The following PCNT variants were observed in gnomAD, a reference collection of about 807,000 sequenced individuals.
PCNT encodes the protein pericentrin.
Under a neutral mutation model 380.4 loss-of-function variants are expected in PCNT, and 319 were observed. The observed-to-expected ratio is 0.84, with a 90% CI of 0.77 to 0.92. The LOEUF (loss-of-function observed/expected upper bound fraction) is 0.92, where lower values mean the gene tolerates loss of function less well. Among genes scored for constraint, PCNT ranks in the 40% least tolerant of loss-of-function variants. The probability of loss-of-function intolerance (pLI) is 0.00; values close to 1 mark genes in which losing one functional copy is unlikely to be tolerated. For missense variants in PCNT, 4,400 were observed against 4,255.3 expected (o/e 1.03, Z -0.95); for synonymous variants, 1,845 against 1,735.2 (o/e 1.06, Z -1.57).
At chr21:46,409,299 C>G (rs1160280831) in intron 27 of PCNT, among the ~76,000 whole-genome samples, 1 of 151,360 alleles carries the variant, frequency 6.6e-6, no homozygotes, top group South Asian at 2.1e-4. Flanking sequence ...AGCAGTCCTC[C>G]TGTCTCAGCC....
In PCNT at chr21:46,443,803, G is replaced by A. The variant is rs1468007286; in HGVS notation, c.9701-7G>A. 1.2e-6 allele frequency: 2 copies of A among 1,613,536 alleles called. No individual in the cohort carries two copies. Among genetic ancestry groups the A allele is most frequent in the African/African-American group, 1.3e-5 (1 of 74,902 alleles). On this transcript the variant is annotated splice_polypyrimidine_tract_variant and splice_region_variant and intron_variant, in intron 44 of 46. Transcript: ENST00000359568. ...AATCCCTTGGTTGTTAAATAATTCT[G>A]GGGAAGGGCCCCGAGCACGACAGCC...
chr21:46,398,372 T>A, intron 24 of PCNT, 117 bp downstream of exon 24: 1 of 1,065,228 alleles, frequency 9.4e-7, no homozygotes, highest in African/African-American at 1.6e-5. Context: ...GCTGCAGCCA[T>A]CTGCTTTCTC....
intron 30 of PCNT, 135 bp downstream of exon 30, chr21:46,416,974 G>A: frequency 1.3e-6 from 1 of 792,796 alleles, no homozygotes; most frequent in Non-Finnish European, 2.0e-6. Flanking sequence ...AGCTCTGCAG[G>A]ACTGGCATCA....
chr21:46,356,142 C>T (rs1390257023), intron 12 of PCNT, among the ~76,000 whole-genome samples: 1 of 152,216 alleles, frequency 6.6e-6, no homozygotes, highest in African/African-American at 2.4e-5. Flanking sequence ...GGACAGTGGC[C>T]ACTGACGGGT....
In PCNT at chr21:46,346,868, G is replaced by T. The variant is rs1309459706; in HGVS notation, c.846G>T (p.Glu282Asp). The change falls in exon 5 of 47, where the codon GAG becomes GAT. Residue 282 changes from glutamate (E) to aspartate (D), a missense_variant. Transcript: ENST00000359568. The stretch of plus-strand genomic sequence containing the variant: ...AGACGGCATTGACGGAGCTGCGGGA[G>T]ATGCTCAACAGCCGGCGTGCCCAGG... Reference protein sequence around the residue: ...EKETALTELREMLNSRRAQEL... With the variant: ...EKETALTELRDMLNSRRAQEL... 4 of 1,608,570 alleles carry T rather than the reference G, an allele frequency of 2.5e-6. No individual in the cohort carries two copies. Among genetic ancestry groups the T allele is most frequent in the Non-Finnish European group, 3.4e-6 (4 of 1,178,198 alleles).
Position 46,389,293 on chromosome 21 carries a change from T to C in PCNT, c.3702T>C (p.Ile1234=), listed in dbSNP as rs772294711. The change falls in exon 19 of 47, where the codon ATT becomes ATC. Residue 1234 remains isoleucine (I), a synonymous_variant. Transcript: ENST00000359568. The stretch of plus-strand genomic sequence containing the variant: ...CAGAGATGTCTTCCGTGGCTGAAAT[T>C]AGCAGCCACATGCGTGAAAGCTTTC... ...ECAEMSSVAE[I]SSHMRESFLM... is the part of the protein sequence containing the mutation. The C allele has an allele frequency of 2.5e-6, 4 of 1,614,240 alleles. No individual in the cohort carries two copies. The highest frequency in any genetic ancestry group is 3.4e-6 in the Non-Finnish European group (4 of 1,180,044).
intron 13 of PCNT, among the ~76,000 whole-genome samples, chr21:46,362,383 T>C (rs2084751825): frequency 6.6e-6 from 1 of 152,330 alleles, no homozygotes; most frequent in East Asian, 1.9e-4. Context: ...TCCTTCTGAA[T>C]GTCCAGCCCT....
rs201946771 is a variant in PCNT at position 46,414,528 on chromosome 21, G to GCTC, written c.6151-1523_6151-1521dup. ...TTCTCGACACACAACCACCCACCCT[G>GCTC]CTCCTCCTCCTCCTCCTCCTGGACA... is the stretch of plus-strand genomic sequence containing the variant. On this transcript the variant is annotated intron_variant, in intron 29 of 46. Coordinates refer to ENST00000359568, the MANE Select transcript of PCNT (RefSeq NM_006031.6). 5.9e-3 allele frequency among the ~76,000 whole-genome samples: 490 copies of GCTC among 83,192 alleles called. 4 individuals carry two copies. The highest frequency in any genetic ancestry group is 0.022 in the African/African-American group (438 of 20,042). 54.6% of individuals were successfully genotyped at this position (83,192 alleles called of 152,430 possible).
chr21:46,401,692 CAG>C lies in PCNT; in HGVS notation c.4938_4939del (p.Arg1646SerfsTer22), dbSNP rs797045879. The C allele has an allele frequency of 3.1e-6, 5 of 1,613,928 alleles. No individual in the cohort carries two copies. Among genetic ancestry groups the C allele is most frequent in the Non-Finnish European group, 4.2e-6 (5 of 1,180,012 alleles). ...EGPEIQLEVT[Q>X]RALLRRESEV... is the part of the protein sequence containing the mutation. ...TCCAGAAATACAGTTAGAGGTGACA[CAG>C]AGAGCACTCCTGCGGCGCGAGAGCG... On this transcript the variant is annotated frameshift_variant, in exon 26 of 47. Transcript: ENST00000359568. LOFTEE classifies it high-confidence loss of function.
chr21:46,409,393 T>G (rs1268449108), intron 27 of PCNT, among the ~76,000 whole-genome samples: 1 of 152,020 alleles, frequency 6.6e-6, no homozygotes, highest in East Asian at 1.9e-4. Flanking sequence ...TTCTCCATGT[T>G]GGTCAGGCTG....
chr21:46,431,173 C>T (rs969543939), intron 37 of PCNT: 16 of 1,207,708 alleles, frequency 1.3e-5, no homozygotes, highest in Non-Finnish European at 1.6e-5. Flanking sequence ...GGGGCAGGAG[C>T]CTCTGGTGGA....
Position 46,431,910 on chromosome 21 carries a change from C to G in PCNT, c.8446C>G (p.Leu2816Val), listed in dbSNP as rs1237538193. The change falls in exon 38 of 47, where the codon CTG becomes GTG. Residue 2816 changes from leucine to valine, a missense_variant. Coordinates refer to ENST00000359568, the MANE Select transcript of PCNT (RefSeq NM_006031.6). Reference sequence around the variant, plus strand: ...GCTTGAAAAGGTGCAGCAGCAAGCCCTGCATTCTCAGCAGCAGCTTGAGGC... The same window carrying G: ...GCTTGAAAAGGTGCAGCAGCAAGCCGTGCATTCTCAGCAGCAGCTTGAGGC... ...AMLEKVQQQA[L>V]HSQQQLEAEA... 1.2e-6 allele frequency: 2 copies of G among 1,614,096 alleles called. No individual in the cohort carries two copies. The highest frequency in any genetic ancestry group is 1.7e-6 in the Non-Finnish European group (2 of 1,180,040).
chr21:46,412,755 G>GT, intron 28 of PCNT, 82 bp from the exon 29 acceptor site: 1 of 1,482,652 alleles, frequency 6.7e-7, no homozygotes, highest in Non-Finnish European at 9.3e-7. Context: ...TGCCGTACTG[G>GT]TTCCCAGCTC....
chr21:46,376,623 T>A (rs1298943773), intron 15 of PCNT, among the ~76,000 whole-genome samples: 2 of 152,234 alleles, frequency 1.3e-5, no homozygotes, highest in Non-Finnish European at 2.9e-5. Context: ...ATTTGGGGTT[T>A]TGTTCTTGAA....
At chr21:46,378,000 G>T (rs1370547583) in intron 15 of PCNT, among the ~76,000 whole-genome samples, 1 of 152,118 alleles carries the variant, frequency 6.6e-6, no homozygotes, top group Non-Finnish European at 1.5e-5. Context: ...CTTTCACTTT[G>T]TGTGTTTCCC....
At chr21:46,362,397 C>T (rs1228493614) in intron 13 of PCNT, among the ~76,000 whole-genome samples, 3 of 152,188 alleles carry the variant, frequency 2.0e-5, no homozygotes, top group African/African-American at 7.2e-5. Flanking sequence ...CAGCCCTCTG[C>T]AGGGTCTGTC....
rs557944474 is a variant in PCNT, at chr21:46,427,356, C to G, written c.7321-266C>G. ...GGGCTTAAACAGCAGACATTGATTT[C>G]ACCTGTTGTGGCATCAGGGTGCCCA... is the stretch of plus-strand genomic sequence containing the variant. On this transcript the variant is annotated intron_variant, in intron 33 of 46. Coordinates refer to ENST00000359568, the MANE Select transcript of PCNT (RefSeq NM_006031.6). Among the ~76,000 whole-genome samples the G allele has an allele frequency of 3.9e-5, 6 of 152,356 alleles. No homozygotes were observed. The South Asian group carries it at 1.2e-3, about 32-fold the overall frequency.
chr21:46,391,334 C>T lies in PCNT; in HGVS notation c.4174C>T (p.Arg1392Trp), dbSNP rs374256407. The change falls in exon 21 of 47, where the codon CGG (arginine) becomes TGG (tryptophan). Residue 1392 changes from arginine (R) to tryptophan (W), a missense_variant. Arg to Trp is a moderately radical substitution (Grantham distance 101). Transcript: ENST00000359568. ...GGAGGAGTGCACCCGTCTGTGGAGT[C>T]GGGGGGAGGCCACAGCCACGGACGC... is the stretch of plus-strand genomic sequence containing the variant. ...LREECTRLWS[R>W]GEATATDAEA... 2.0e-5 allele frequency: 31 copies of T among 1,556,754 alleles called. No individual in the cohort carries two copies. Among genetic ancestry groups the T allele is most frequent in the Admixed American group, 7.8e-5 (4 of 51,420 alleles).
rs1313935842 is a variant in PCNT at position 46,363,896 on chromosome 21, G to A, written c.2571G>A (p.Lys857=). The A allele has an allele frequency of 6.2e-7, 1 of 1,611,312 alleles. No homozygotes were observed. The highest frequency in any genetic ancestry group is 1.7e-5 in the Admixed American group (1 of 60,012). Residue 857 remains lysine, a synonymous_variant, in exon 14 of 47, where the codon AAG becomes AAA. Coordinates refer to ENST00000359568, the MANE Select transcript of PCNT (RefSeq NM_006031.6). ...GGGAGCTTGCTGCGCTCCACGTGAA[G>A]GAAGACTGCGCCCTGCAGCTGATGC... ...QDGELAALHV[K]EDCALQLMLA...
Sources: gnomAD v4.1 joint callset for allele counts (sites outside exome capture counted in the v4.1 genomes callset) on GRCh38, gnomAD v4.1.1 for gene constraint, MANE v1.5 for transcripts, NCBI Gene and HGNC (gene_info 2026-07-23, HGNC 2026-07-21) for gene names.